Variants in POLR3E observed in about 807,000 individuals in gnomAD.
The protein encoded by POLR3E is DNA-directed RNA polymerase III subunit RPC5.
A neutral mutation model predicts 96.6 loss-of-function variants in POLR3E; 41 were observed. The observed-to-expected ratio is 0.42, with a 90% CI of 0.33 to 0.55. POLR3E has a LOEUF of 0.55. Ranked by LOEUF, POLR3E falls within the 20% of genes least tolerant of loss-of-function variation. The probability of loss-of-function intolerance (pLI) is 0.06; values close to 1 mark genes in which losing one functional copy is unlikely to be tolerated. For synonymous variants in POLR3E, 396 were observed against 383.6 expected, an observed-to-expected ratio of 1.03 and a Z score of -0.38; for missense variants, 849 against 952.1, an observed-to-expected ratio of 0.89 and a Z score of 1.43.
intron 6 of POLR3E, chr16:22,309,921 C>T (rs1440734981): frequency 5.7e-6 from 1 of 175,986 alleles, no homozygotes; most frequent in Non-Finnish European, 1.2e-5. Context: ...ACAGTAGCAT[C>T]TTCATGATAG....
chr16:22,302,956 G>A lies in POLR3E; in HGVS notation c.-13G>A. ...ATCGAGCTGAAGGACTGCGCGGCTG[G>A]CTCTCCTCTAGTATGGCCAATGAAG... On this transcript the variant is annotated 5_prime_UTR_variant, in exon 2 of 21. Transcript: ENST00000299853. The A allele has an allele frequency of 6.2e-7, 1 of 1,613,688 alleles. No individual in the cohort carries two copies. Among genetic ancestry groups the A allele is most frequent in the South Asian group, 1.1e-5 (1 of 91,080 alleles).
chr16:22,317,023 A>C lies in POLR3E; in HGVS notation c.757A>C (p.Ser253Arg). The C allele has an allele frequency of 3.7e-6, 6 of 1,614,176 alleles. 1 individual carries two copies. The South Asian group carries it at 6.6e-5, about 18-fold the overall frequency. The change falls in exon 11 of 21, where the codon AGC becomes CGC. Residue 253 changes from serine to arginine, a missense_variant. Coordinates refer to ENST00000299853, the MANE Select transcript of POLR3E (RefSeq NM_018119.4). ...GTACCTGATGATGCTGATGCCACCC[A>C]GCCAGGAGGAGGAGAAGTGAGTAGA... ...SEYLMMLMPPSQEEEKDKPVA... is the reference protein window; with the variant it reads ...SEYLMMLMPPRQEEEKDKPVA...
rs539462719 is a variant in POLR3E, at chr16:22,325,891, C to T, written c.1479C>T (p.Pro493=). 2.9e-5 allele frequency: 47 copies of T among 1,608,404 alleles called. No individual in the cohort carries two copies. The East Asian group carries it at 7.4e-4, about 25-fold the overall frequency. Residue 493 remains proline (P), a synonymous_variant, in exon 18 of 21, where the codon CCC becomes CCT. Coordinates refer to ENST00000299853, the MANE Select transcript of POLR3E (RefSeq NM_018119.4). ...KEQLRVPAVP[P]GVRIKEEPVS... Reference sequence around the variant, plus strand: ...AGCTGCGGGTGCCTGCGGTCCCGCCCGGTGTGCGGATCAAGGAGGAGCCCG... The same window carrying T: ...AGCTGCGGGTGCCTGCGGTCCCGCCTGGTGTGCGGATCAAGGAGGAGCCCG...
intron 3 of POLR3E, among the ~76,000 whole-genome samples, chr16:22,307,125 C>T (rs1156622115): frequency 6.6e-6 from 1 of 152,170 alleles, no homozygotes; most frequent in African/African-American, 2.4e-5. Flanking sequence ...GTGCTCACAG[C>T]GGCCTTGGGA....
chr16:22,300,782 A>G (rs1260705161), intron 1 of POLR3E, among the ~76,000 whole-genome samples: 1 of 152,180 alleles, frequency 6.6e-6, no homozygotes, highest in Non-Finnish European at 1.5e-5. Flanking sequence ...TACCCGCTCC[A>G]TGTCTTCCTC....
Position 22,333,904 on chromosome 16 carries a change from G to T in POLR3E, c.*204G>T. On this transcript the variant is annotated 3_prime_UTR_variant, in exon 21 of 21. Transcript: ENST00000299853. ...GCTTAAGTTAGTTAGATCACTCCCA[G>T]AAGAGACCAGCTGGGACCTTCTTTG... 2.1e-6 allele frequency: 1 copy of T among 483,032 alleles called. No homozygotes were observed. Among genetic ancestry groups the T allele is most frequent in the South Asian group, 4.6e-5 (1 of 21,848 alleles). The allele number at this position is 483,032 out of a possible 1,614,324, so 29.9% of individuals were successfully genotyped here.
intron 6 of POLR3E, 53 bp downstream of exon 6, chr16:22,309,563 G>A: frequency 1.6e-6 from 2 of 1,267,136 alleles, no homozygotes; most frequent in Non-Finnish European, 2.3e-6. Context: ...GGGGGGCTGG[G>A]CAGGGAGAGT....
chr16:22,298,553 G>C lies in POLR3E; in HGVS notation c.-39+1016G>C, dbSNP rs114875692. The stretch of plus-strand genomic sequence containing the variant: ...GGTGGGTCACAGATGCCAAGCAGCT[G>C]TGGTGGGATTTGAACCTGCACAGTT... On this transcript the variant is annotated intron_variant, in intron 1 of 20. Coordinates refer to ENST00000299853, the MANE Select transcript of POLR3E (RefSeq NM_018119.4). Among the ~76,000 whole-genome samples, 871 of 152,284 alleles carry C rather than the reference G, an allele frequency of 5.7e-3. 10 individuals are homozygous for C. The highest frequency in any genetic ancestry group is 0.02 in the African/African-American group (832 of 41,554).
At chr16:22,319,900 T>C (rs991005880) in intron 13 of POLR3E, among the ~76,000 whole-genome samples, 5 of 152,202 alleles carry the variant, frequency 3.3e-5, no homozygotes, top group Non-Finnish European at 7.3e-5. Flanking sequence ...TGTTCTTAAT[T>C]ATAGTCACCC....
rs938730817 is a variant in POLR3E, at chr16:22,311,235, C to G, written c.364+1725C>G. 2.8e-5 allele frequency among the ~76,000 whole-genome samples: 4 copies of G among 142,964 alleles called. No homozygotes were observed. In the East Asian group the frequency reaches 6.3e-4, roughly 23 times the overall value. 93.8% of individuals were successfully genotyped at this position (142,964 alleles called of 152,430 possible). A position where few individuals can be genotyped will look rare whatever the true frequency, so the allele number is the denominator to read the frequency against. On this transcript the variant is annotated intron_variant, in intron 6 of 20. Transcript: ENST00000299853. ...CCACCAGCCTTGGCCTCCCAGAGTG[C>G]TGGGATTATAGGCATGAGCCACTGT...
rs754415880 is a variant in POLR3E at position 22,315,096 on chromosome 16, T to A, written c.530T>A (p.Phe177Tyr). Residue 177 changes from phenylalanine (F) to tyrosine (Y), a missense_variant, in exon 9 of 21, where the codon TTC (phenylalanine) becomes TAC (tyrosine). Physicochemically the swap from Phe to Tyr is conservative, Grantham distance 22. Coordinates refer to ENST00000299853, the MANE Select transcript of POLR3E (RefSeq NM_018119.4). ...TTCCCCTTCCCACCGCAGGTGCGGTTCTCCCGGCCGGAGTCAGAGCAGGCC... is the reference window on the plus strand; with the variant it reads ...TTCCCCTTCCCACCGCAGGTGCGGTACTCCCGGCCGGAGTCAGAGCAGGCC... Reference protein sequence around the residue: ...EDDVKQITVRFSRPESEQARQ... With the variant: ...EDDVKQITVRYSRPESEQARQ... The A allele has an allele frequency of 1.9e-6, 3 of 1,613,182 alleles. No individual in the cohort carries two copies. The Admixed American group carries it at 5.0e-5, about 27-fold the overall frequency.
rs989349336 is a variant in POLR3E, at chr16:22,333,808, C to G, written c.*108C>G. On this transcript the variant is annotated 3_prime_UTR_variant, in exon 21 of 21. Coordinates refer to ENST00000299853, the MANE Select transcript of POLR3E (RefSeq NM_018119.4). Reference sequence around the variant, plus strand: ...GACGACACAGAGCAAGAGGAACTGACCATCTCATGACCTGTGGCATTGCAC... The same window carrying G: ...GACGACACAGAGCAAGAGGAACTGAGCATCTCATGACCTGTGGCATTGCAC... 5 of 770,474 alleles carry G rather than the reference C, an allele frequency of 6.5e-6. No individual in the cohort carries two copies. The highest frequency in any genetic ancestry group is 5.1e-5 in the African/African-American group (3 of 58,524). 47.7% of individuals were successfully genotyped at this position (770,474 alleles called of 1,614,324 possible).
At chr16:22,325,310 G>A in intron 17 of POLR3E, 44 bp downstream of exon 17, 1 of 1,499,700 alleles carries the variant, frequency 6.7e-7, no homozygotes, top group Non-Finnish European at 9.3e-7. Context: ...CTCCTACACT[G>A]TGGCTCCGGA....
chr16:22,310,154 CATACTCAACGGTGGTCCCATAACATTATA>C (rs1167539956), intron 6 of POLR3E: 1 of 153,398 alleles, frequency 6.5e-6, no homozygotes. Flanking sequence ...CGACCGACCA[CATACTCAACGGTGGTCCCATAACATTATA>C]ATGGAGCTGA....
At chr16:22,303,974 C>A (rs1270507219) in intron 2 of POLR3E, among the ~76,000 whole-genome samples, 1 of 151,828 alleles carries the variant, frequency 6.6e-6, no homozygotes, top group Non-Finnish European at 1.5e-5. Flanking sequence ...CTACACCTGG[C>A]TAATTTTTGT....
intron 19 of POLR3E, 94 bp from the exon 20 acceptor site, chr16:22,331,964 AAC>A (rs2048750044): frequency 7.7e-7 from 1 of 1,296,198 alleles, no homozygotes; most frequent in Non-Finnish European, 1.1e-6. Context: ...CAGAGACTGC[AAC>A]ACAAAGTCAG....
chr16:22,333,028 G>A (rs987863904), intron 20 of POLR3E, among the ~76,000 whole-genome samples: 1 of 134,854 alleles, frequency 7.4e-6, no homozygotes, highest in African/African-American at 2.8e-5. Context: ...AGGCTAGAGT[G>A]CAGTAGCACA....
At chr16:22,309,126 C>G in intron 5 of POLR3E, 86 bp downstream of exon 5, 1 of 925,014 alleles carries the variant, frequency 1.1e-6, no homozygotes, top group Non-Finnish European at 1.7e-6. Context: ...ACCCCCTTTG[C>G]CCCGTCACTG....
At position 22,314,906 on chromosome 16, in the gene POLR3E, G is replaced by C. The variant is rs575150932; in HGVS notation, c.523-183G>C. Reference sequence around the variant, plus strand: ...ACGAGCAAGTATAAGCCGTTCCCTGGCGTGTGCAGGCAGCTCTGGGAGGGA... The same window carrying C: ...ACGAGCAAGTATAAGCCGTTCCCTGCCGTGTGCAGGCAGCTCTGGGAGGGA... On this transcript the variant is annotated intron_variant, in intron 8 of 20. Transcript: ENST00000299853. The C allele has an allele frequency of 1.1e-5, 6 of 565,420 alleles. No homozygotes were observed. In the Admixed American group the frequency reaches 1.9e-4, roughly 18 times the overall value. 35.0% of individuals were successfully genotyped at this position (565,420 alleles called of 1,614,324 possible). A position where few individuals can be genotyped will look rare whatever the true frequency, so the allele number is the denominator to read the frequency against.
Sources: gnomAD v4.1 joint callset for allele counts (sites outside exome capture counted in the v4.1 genomes callset) on GRCh38, gnomAD v4.1.1 for gene constraint, MANE v1.5 for transcripts, NCBI Gene and HGNC (gene_info 2026-07-23, HGNC 2026-07-21) for gene names.